The following BTBD19 variants were observed in gnomAD, a reference collection of about 807,000 sequenced individuals.
The protein encoded by BTBD19 is BTB/POZ domain-containing protein 19.
BTBD19 carries 20 observed loss-of-function variants against 36.1 expected under a neutral mutation model. The ratio of observed to expected loss-of-function variants is 0.55; its 90% CI spans 0.39 to 0.80. The LOEUF is 0.80. Ranked by LOEUF, BTBD19 falls within the 30% of genes least tolerant of loss-of-function variation. The pLI, the probability that BTBD19 is intolerant of heterozygous loss-of-function variation, is 0.00. For synonymous variants in BTBD19, 157 were observed against 174.3 expected (o/e 0.90, Z 0.78); for missense variants, 325 against 389.8 (o/e 0.83, Z 1.40).
intron 3 of BTBD19, among the ~76,000 whole-genome samples, chr1:44,811,220 C>CAA (rs35007342): frequency 0.011 from 750 of 71,160 alleles, 8 homozygotes; most frequent in Non-Finnish European, 0.016. Flanking sequence ...GACTTGCCCT[C>CAA]AAAAAAAAAA....
downstream of BTBD19, chr1:44,814,222 T>TTCTTTC (rs1557635852): frequency 2.4e-5 from 3 of 125,536 alleles, no homozygotes; most frequent in African/African-American, 1.1e-4. Context: ...TTTTCTTTCT[T>TTCTTTC]TCTCTTTCCT....
downstream of BTBD19, chr1:44,815,185 A>G (rs897754319): frequency 2.0e-5 from 3 of 151,726 alleles, no homozygotes; most frequent in African/African-American, 4.8e-5. Flanking sequence ...CCCTCAATCC[A>G]TTTCCCACAG....
Position 44,813,864 on chromosome 1 carries a change from C to A in BTBD19, c.*92C>A. The A allele has an allele frequency of 6.6e-7, 1 of 1,506,668 alleles. No individual in the cohort carries two copies. The highest frequency in any genetic ancestry group is 9.0e-7 in the Non-Finnish European group (1 of 1,110,544). The allele number at this position is 1,506,668 out of a possible 1,614,324, so 93.3% of individuals were successfully genotyped here. A position where few individuals can be genotyped will look rare whatever the true frequency, so the allele number is the denominator to read the frequency against. ...CGAAGTGCTCGGCGTTCGGAGCGGG[C>A]TTCCGTTCCCAGCGTGCCCAGTGAG... On this transcript the variant is annotated 3_prime_UTR_variant, in exon 8 of 8. Transcript: ENST00000450269. This position sits in a 1 kb window ranked among gnomAD's most constrained non-coding sequence, Gnocchi z 7.8.
chr1:44,814,060 C>G (rs1234391704), exon 8 of BTBD19: 1 of 567,738 alleles, frequency 1.8e-6, no homozygotes, highest in African/African-American at 1.9e-5. Flanking sequence ...ACGCCCTGCC[C>G]CTGGGCATTG....
At chr1:44,808,846 A>T (rs1227321995) in exon 1 of BTBD19, 2 of 1,550,048 alleles carry the variant, frequency 1.3e-6, no homozygotes, top group Admixed American at 3.9e-5. Flanking sequence ...CTGGTCGTGC[A>T]TGGGAAAGCT....
In BTBD19 at chr1:44,813,445, C is replaced by G; in HGVS notation, c.687C>G (p.Ala229=). The change falls in exon 7 of 8, where the codon GCC becomes GCG. Residue 229 remains alanine (A), a synonymous_variant. Coordinates refer to ENST00000450269, the Ensembl canonical transcript of BTBD19. This position sits in a 1 kb window ranked among gnomAD's most constrained non-coding sequence, Gnocchi z 7.8. ...AAGAGCTGAGACTAGCCTTGCTGGCCCCGGCGGAGCTGAGCGCCCTGGAAG... is the reference window on the plus strand; with the variant it reads ...AAGAGCTGAGACTAGCCTTGCTGGCGCCGGCGGAGCTGAGCGCCCTGGAAG... The G allele has an allele frequency of 6.5e-7, 1 of 1,544,906 alleles. No homozygotes were observed. The highest frequency in any genetic ancestry group is 1.2e-5 in the South Asian group (1 of 84,050).
At position 44,813,095 on chromosome 1, in the gene BTBD19, G is replaced by A. The variant is rs1474913302; in HGVS notation, c.483+31G>A. 9.1e-6 allele frequency: 14 copies of A among 1,546,286 alleles called. No homozygotes were observed. Among genetic ancestry groups the A allele is most frequent in the Non-Finnish European group, 1.2e-5 (14 of 1,143,706 alleles). ...GCTCCCTTCATACTCCTCACCCTACGCACCGCATTCTGCTCCTCCCTGACC... is the reference window on the plus strand; with the variant it reads ...GCTCCCTTCATACTCCTCACCCTACACACCGCATTCTGCTCCTCCCTGACC... On this transcript the variant is annotated intron_variant, in intron 5 of 7. Transcript: ENST00000450269. The surrounding 1 kb of genome is among the most constrained non-coding windows in gnomAD (Gnocchi z 7.8).
chr1:44,809,268 CTGCTAGAAG>C (rs1438622559), intron 1 of BTBD19, among the ~76,000 whole-genome samples: 1 of 152,184 alleles, frequency 6.6e-6, no homozygotes, highest in Non-Finnish European at 1.5e-5. Flanking sequence ...TGAGGCCTCA[CTGCTAGAAG>C]AAGAGGAACA....
At chr1:44,814,186 CTTTCTTTCTTTCTTTCTTTCTTTCTT>C (rs1210250085), downstream of BTBD19, 7 of 143,722 alleles carry the variant, frequency 4.9e-5, no homozygotes, top group African/African-American at 2.3e-4. Flanking sequence ...TTCTTTCTTT[CTTTCTTTCTTTCTTTCTTTCTTTCTT>C]TTTCTTTCTT....
intron 1 of BTBD19, among the ~76,000 whole-genome samples, chr1:44,809,419 C>G (rs959749973): frequency 2.6e-5 from 4 of 152,174 alleles, no homozygotes; most frequent in African/African-American, 9.7e-5. Context: ...TGTCTGAAAC[C>G]AGGGGTAGAG....
Position 44,813,462 on chromosome 1 carries a change from C to G in BTBD19, c.704C>G (p.Ala235Gly). The change falls in exon 7 of 8, where the codon GCC becomes GGC. Residue 235 changes from alanine to glycine, a missense_variant. Ala to Gly is a moderately conservative substitution (Grantham distance 60). Transcript: ENST00000450269. This position sits in a 1 kb window ranked among gnomAD's most constrained non-coding sequence, Gnocchi z 7.8. ...TTGCTGGCCCCGGCGGAGCTGAGCG[C>G]CCTGGAAGAGCAGAACCGGCAGGAA... is the stretch of plus-strand genomic sequence containing the variant. The G allele has an allele frequency of 6.5e-7, 1 of 1,546,548 alleles. No individual in the cohort carries two copies. The highest frequency in any genetic ancestry group is 8.7e-7 in the Non-Finnish European group (1 of 1,146,676).
downstream of BTBD19, chr1:44,814,437 A>G (rs1045410548): frequency 2.6e-5 from 4 of 151,162 alleles, no homozygotes; most frequent in Admixed American, 2.0e-4. Context: ...AGCTGGTACT[A>G]CAGGCGCCCA....
At chr1:44,811,815 T>G (rs1396255613) in intron 3 of BTBD19, 2 of 329,394 alleles carry the variant, frequency 6.1e-6, no homozygotes, top group Non-Finnish European at 1.2e-5. Context: ...TAGTGGCGAA[T>G]GTACTAGAAG....
chr1:44,808,549 C>CGCAA (rs1652241735), exon 1 of BTBD19: 2 of 325,890 alleles, frequency 6.1e-6, no homozygotes, highest in African/African-American at 4.3e-5. Context: ...CCGCCGCCGC[C>CGCAA]GCCAGCCAGC....
In BTBD19 at chr1:44,810,092, C is replaced by T. The variant is rs1301593389; in HGVS notation, c.87-121C>T. On this transcript the variant is annotated intron_variant, in intron 1 of 7. Coordinates refer to ENST00000450269, the Ensembl canonical transcript of BTBD19. The surrounding 1 kb of genome is among the most constrained non-coding windows in gnomAD (Gnocchi z 4.2). ...GGTCCCAGACCTTCTGCTGGAGGGA[C>T]GAAGCCCTGTCTCTTACATTCTGGT... 2.1e-5 allele frequency: 19 copies of T among 885,430 alleles called. No individual in the cohort carries two copies. Among genetic ancestry groups the T allele is most frequent in the South Asian group, 4.7e-5 (3 of 63,476 alleles). The allele number at this position is 885,430 out of a possible 1,614,324, so 54.8% of individuals were successfully genotyped here.
chr1:44,812,132 G>C (rs1288142235), intron 4 of BTBD19, 34 bp downstream of exon 4: 1 of 1,286,550 alleles, frequency 7.8e-7, no homozygotes, highest in Admixed American at 2.3e-5. Flanking sequence ...GTAGGAGTCT[G>C]GCTCTGTGTG....
At position 44,813,215 on chromosome 1, in the gene BTBD19, CG is replaced by C. The variant is rs1652514247; in HGVS notation, c.562del (p.Val188TrpfsTer33). 1 of 1,544,076 alleles carries C rather than the reference CG, an allele frequency of 6.5e-7. No homozygotes were observed. The highest frequency in any genetic ancestry group is 2.0e-5 in the Admixed American group (1 of 50,888). On this transcript the variant is annotated frameshift_variant, in exon 6 of 8. Coordinates refer to ENST00000450269, the Ensembl canonical transcript of BTBD19. LOFTEE classifies it high-confidence loss of function. The surrounding 1 kb of genome is among the most constrained non-coding windows in gnomAD (Gnocchi z 7.8). ...CCCTGCTCCGCAGCGACAAGCTCTG[CG>C]TGGACGAGGCTGAACTGGTCCGCGC...
At chr1:44,808,530 C>G (rs1652237719) in exon 1 of BTBD19, 1 of 298,700 alleles carries the variant, frequency 3.3e-6, no homozygotes, top group Admixed American at 5.0e-5. Context: ...GCCAGGGCCT[C>G]TTTCGCCGCC....
In BTBD19 at chr1:44,813,805, C is replaced by T. The variant is rs868350119; in HGVS notation, c.*33C>T. 6.4e-7 allele frequency: 1 copy of T among 1,550,914 alleles called. No individual in the cohort carries two copies. The highest frequency in any genetic ancestry group is 1.4e-5 in the African/African-American group (1 of 73,168). ...CCGGGACTCGCAGGGAGCCCTCGAC[C>T]CGCCCAGCTGAGCCTGCCCCAAACT... On this transcript the variant is annotated 3_prime_UTR_variant, in exon 8 of 8. Transcript: ENST00000450269. This position sits in a 1 kb window ranked among gnomAD's most constrained non-coding sequence, Gnocchi z 7.8.
Sources: gnomAD v4.1 joint callset for allele counts (sites outside exome capture counted in the v4.1 genomes callset) on GRCh38, gnomAD v4.1.1 for gene constraint, Gnocchi (gnomAD v3.1) non-coding constraint, MANE v1.5 for transcripts, NCBI Gene and HGNC (gene_info 2026-07-23, HGNC 2026-07-21) for gene names.